The following CDC123 variants were observed in gnomAD, a reference collection of about 807,000 sequenced individuals.
The protein encoded by CDC123 is cell division cycle 123.
CDC123 carries 37 observed loss-of-function variants against 54.4 expected under a neutral mutation model. That is an observed-to-expected ratio of 0.68 (90% CI 0.52 to 0.89). The LOEUF (loss-of-function observed/expected upper bound fraction) is 0.89. Ranked by LOEUF, CDC123 falls within the 40% of genes least tolerant of loss-of-function variation. The pLI is 0.00. For missense variants in CDC123, 361 were observed against 412.1 expected (o/e 0.88, Z 1.07); for synonymous variants, 144 against 136.8 (o/e 1.05, Z -0.37).
At position 12,206,712 on chromosome 10, in the gene CDC123, G is replaced by A. The variant is rs575869524; in HGVS notation, c.147-3255G>A. Among the ~76,000 whole-genome samples, 459 of 152,216 alleles carry A rather than the reference G, an allele frequency of 3.0e-3. 1 individual carries two copies. The highest frequency in any genetic ancestry group is 5.3e-3 in the Non-Finnish European group (360 of 68,008). On this transcript the variant is annotated intron_variant, in intron 2 of 12. Transcript: ENST00000281141. Reference sequence around the variant, plus strand: ...GGTGGCTTATGCCTGTAATCCCAGTGCTTTAGGAGGCCAAGGAGGGCGGAT... The same window carrying A: ...GGTGGCTTATGCCTGTAATCCCAGTACTTTAGGAGGCCAAGGAGGGCGGAT...
Position 12,246,621 on chromosome 10 carries a change from G to A in CDC123, c.846+344G>A, listed in dbSNP as rs543365907. 1.1e-3 allele frequency: 203 copies of A among 183,508 alleles called. 1 individual carries two copies. Among genetic ancestry groups the A allele is most frequent in the South Asian group, 5.9e-3 (47 of 7,954 alleles). 11.4% of individuals were successfully genotyped at this position (183,508 alleles called of 1,614,324 possible). ...TGAGGCCGACAGAGAAGTTACACACGTGCAGCCCAGCGGATTCCTGTCAGC... is the reference window on the plus strand; with the variant it reads ...TGAGGCCGACAGAGAAGTTACACACATGCAGCCCAGCGGATTCCTGTCAGC... On this transcript the variant is annotated intron_variant, in intron 11 of 12. Coordinates refer to ENST00000281141, the MANE Select transcript of CDC123 (RefSeq NM_006023.3).
chr10:12,210,748 A>G (rs1258859915), intron 4 of CDC123, among the ~76,000 whole-genome samples: 1 of 152,132 alleles, frequency 6.6e-6, no homozygotes, highest in Non-Finnish European at 1.5e-5. Context: ...TCGCCCAGGC[A>G]GGAGTGCAGT....
intron 6 of CDC123, among the ~76,000 whole-genome samples, chr10:12,222,063 G>A (rs186071468): frequency 2.6e-5 from 4 of 152,286 alleles, no homozygotes; most frequent in Middle Eastern, 3.4e-3. Flanking sequence ...ATGTGGATCC[G>A]CTGGTCCAGG....
chr10:12,230,408 G>A (rs765590141), intron 6 of CDC123, among the ~76,000 whole-genome samples: 1 of 152,138 alleles, frequency 6.6e-6, no homozygotes, highest in Non-Finnish European at 1.5e-5. Flanking sequence ...GGCCAGGCTG[G>A]TGTCAAACTC....
At chr10:12,222,236 C>T (rs548136153) in intron 6 of CDC123, among the ~76,000 whole-genome samples, 7 of 152,316 alleles carry the variant, frequency 4.6e-5, no homozygotes, top group African/African-American at 1.7e-4. Flanking sequence ...TGTCTCCCTG[C>T]CTATAATGTA....
At chr10:12,237,081 A>G in intron 8 of CDC123, 63 bp from the exon 9 acceptor site, 3 of 1,438,364 alleles carry the variant, frequency 2.1e-6, no homozygotes, top group South Asian at 1.7e-5. Flanking sequence ...TGTTTAAATC[A>G]CGTATTGATG....
At chr10:12,219,052 C>T (rs1032426157) in intron 6 of CDC123, among the ~76,000 whole-genome samples, 10 of 152,180 alleles carry the variant, frequency 6.6e-5, no homozygotes, top group African/African-American at 1.4e-4. Flanking sequence ...ATGCCACTTC[C>T]GCCCTGTCCA....
chr10:12,247,471 C>T (rs1296155229), intron 11 of CDC123: 4 of 145,378 alleles, frequency 2.8e-5, no homozygotes, highest in Non-Finnish European at 3.0e-5. Flanking sequence ...ACCGTGTCCC[C>T]CTCTCTCACC....
chr10:12,236,017 T>C (rs970239609), intron 8 of CDC123, among the ~76,000 whole-genome samples: 1 of 152,230 alleles, frequency 6.6e-6, no homozygotes, highest in African/African-American at 2.4e-5. Context: ...ATGTTTACTT[T>C]TCCATGGCTT....
At chr10:12,241,552 A>C (rs997335374) in intron 10 of CDC123, among the ~76,000 whole-genome samples, 2 of 152,100 alleles carry the variant, frequency 1.3e-5, no homozygotes, top group African/African-American at 2.4e-5. Flanking sequence ...TGTCCTTCAG[A>C]TTGATGATGA....
chr10:12,229,594 C>G (rs1323040053), intron 6 of CDC123, among the ~76,000 whole-genome samples: 1 of 152,214 alleles, frequency 6.6e-6, no homozygotes, highest in Non-Finnish European at 1.5e-5. Flanking sequence ...TCAGTTCTTC[C>G]TTGGTGCTGC....
Position 12,225,825 on chromosome 10 carries a change from G to A in CDC123, c.441-5123G>A, listed in dbSNP as rs141062645. On this transcript the variant is annotated intron_variant, in intron 6 of 12. Coordinates refer to ENST00000281141, the MANE Select transcript of CDC123 (RefSeq NM_006023.3). ...TTCTCAGAGAGGGGGATTTGGCAGG[G>A]TCATAGGACAATAGTGGAGGGAAGG... Among the ~76,000 whole-genome samples, 765 of 133,422 alleles carry A rather than the reference G, an allele frequency of 5.7e-3. 23 individuals carry two copies. In the East Asian group the frequency reaches 0.079, roughly 14 times the overall value. 87.5% of individuals were successfully genotyped at this position (133,422 alleles called of 152,430 possible). A position where few individuals can be genotyped will look rare whatever the true frequency, so the allele number is the denominator to read the frequency against.
chr10:12,215,668 A>G, intron 4 of CDC123, 72 bp from the exon 5 acceptor site: 1 of 802,354 alleles, frequency 1.2e-6, no homozygotes. Flanking sequence ...TATAACCTTG[A>G]GATTTTGATC....
intron 2 of CDC123, among the ~76,000 whole-genome samples, chr10:12,200,672 C>G (rs1835428008): frequency 6.6e-6 from 1 of 151,990 alleles, no homozygotes; most frequent in Admixed American, 6.6e-5. Flanking sequence ...GTGGCTCATG[C>G]CTGTAATCCC....
intron 2 of CDC123, among the ~76,000 whole-genome samples, chr10:12,209,220 A>C (rs1292782843): frequency 6.6e-6 from 1 of 152,030 alleles, no homozygotes; most frequent in East Asian, 1.9e-4. Flanking sequence ...CTCTTCATGC[A>C]ACTGTACTCT....
At chr10:12,232,857 T>C (rs2131755789) in intron 7 of CDC123, among the ~76,000 whole-genome samples, 1 of 151,842 alleles carries the variant, frequency 6.6e-6, no homozygotes, top group South Asian at 2.1e-4. Flanking sequence ...CATCTCCGGT[T>C]CACGCCATTC....
chr10:12,239,710 T>A (rs1227600786), intron 10 of CDC123, among the ~76,000 whole-genome samples: 4 of 145,090 alleles, frequency 2.8e-5, no homozygotes, highest in African/African-American at 1.0e-4. Flanking sequence ...CTCTGTTTTT[T>A]AAAAAAAAAA....
At chr10:12,229,852 G>A (rs769409963) in intron 6 of CDC123, among the ~76,000 whole-genome samples, 1 of 152,244 alleles carries the variant, frequency 6.6e-6, no homozygotes, top group South Asian at 2.1e-4. Flanking sequence ...AAAATGGCAC[G>A]TGGGAGAAGG....
intron 9 of CDC123, 196 bp downstream of exon 9, chr10:12,237,462 T>G: frequency 2.8e-6 from 1 of 355,670 alleles, no homozygotes. Flanking sequence ...TTGGAGACAG[T>G]CTTACTCTGT....
Sources: allele counts gnomAD v4.1 joint callset (sites outside exome capture counted in the v4.1 genomes callset), GRCh38; gene constraint gnomAD v4.1.1; transcripts MANE v1.5; gene names NCBI Gene and HGNC (gene_info 2026-07-23, HGNC 2026-07-21).